The following GUCY1B1 variants were observed in gnomAD, a reference collection of about 807,000 sequenced individuals.
GUCY1B1 encodes the protein guanylate cyclase 1 soluble subunit beta 1, also known as guanylate cyclase soluble subunit beta-1.
GUCY1B1 carries 43 observed loss-of-function variants against 71.0 expected under a neutral mutation model. The observed-to-expected ratio is 0.61, with a 90% CI of 0.47 to 0.78. GUCY1B1 has a LOEUF of 0.78. Ranked by LOEUF, GUCY1B1 falls within the 30% of genes least tolerant of loss-of-function variation. The probability of loss-of-function intolerance (pLI) is 0.00; values close to 1 mark genes in which losing one functional copy is unlikely to be tolerated. For missense variants in GUCY1B1, 535 were observed against 754.1 expected, an observed-to-expected ratio of 0.71 and a Z score of 3.40; for synonymous variants, 266 against 259.7, an observed-to-expected ratio of 1.02 and a Z score of -0.23.
intron 9 of GUCY1B1, among the ~76,000 whole-genome samples, chr4:155,801,380 A>G (rs1052599018): frequency 6.6e-6 from 1 of 152,192 alleles, no homozygotes; most frequent in Admixed American, 6.5e-5. Flanking sequence ...AGGTGATGTC[A>G]TTAGAAACCA....
Position 155,805,143 on chromosome 4 carries a change from T to G in GUCY1B1, c.1750T>G (p.Leu584Val). The G allele has an allele frequency of 6.2e-7, 1 of 1,612,252 alleles. No individual in the cohort carries two copies. The highest frequency in any genetic ancestry group is 8.5e-7 in the Non-Finnish European group (1 of 1,178,718). The change falls in exon 13 of 14, where the codon TTG (leucine) becomes GTG (valine). Residue 584 changes from leucine (L) to valine (V), a missense_variant. By Grantham distance (32) the Leu-to-Val change is conservative. Coordinates refer to ENST00000264424, the MANE Select transcript of GUCY1B1 (RefSeq NM_000857.5). The part of the protein sequence containing the change: ...SPENSDPQFH[L>V]EHRGPVSMKG... ...AGAAAATTCAGATCCACAATTCCAC[T>G]TGGAGCACAGAGGCCCAGTGTCCAT... is the stretch of plus-strand genomic sequence containing the variant.
intron 3 of GUCY1B1, 116 bp downstream of exon 3, chr4:155,775,184 T>G (rs1222623112): frequency 1.6e-5 from 11 of 690,938 alleles, no homozygotes; most frequent in Non-Finnish European, 2.3e-5. Flanking sequence ...TTGTACAACC[T>G]GCATAGTTGT....
intron 2 of GUCY1B1, among the ~76,000 whole-genome samples, chr4:155,766,968 T>C (rs910484575): frequency 1.1e-4 from 16 of 152,306 alleles, no homozygotes; most frequent in African/African-American, 3.8e-4. Flanking sequence ...ATTATCTCAG[T>C]TAATCCTCAT....
chr4:155,766,018 A>T (rs10012242), intron 2 of GUCY1B1, among the ~76,000 whole-genome samples: 2 of 152,012 alleles, frequency 1.3e-5, no homozygotes, highest in South Asian at 4.1e-4. Context: ...TCTATCCTCC[A>T]TGACAATAGC....
Position 155,806,480 on chromosome 4 carries a change from G to C in GUCY1B1, c.*71G>C. On this transcript the variant is annotated 3_prime_UTR_variant, in exon 14 of 14. Coordinates refer to ENST00000264424, the MANE Select transcript of GUCY1B1 (RefSeq NM_000857.5). ...TTCTCCTAACACGTGCCAAGCCCAG[G>C]AGCAGTTCTTCCCTATGGATACAGA... 5 of 1,025,604 alleles carry C rather than the reference G, an allele frequency of 4.9e-6. No individual in the cohort carries two copies. In the East Asian group the frequency reaches 7.2e-5, roughly 15 times the overall value. 63.5% of individuals were successfully genotyped at this position (1,025,604 alleles called of 1,614,324 possible).
intron 2 of GUCY1B1, among the ~76,000 whole-genome samples, chr4:155,768,363 G>A (rs545421019): frequency 2.9e-4 from 44 of 151,442 alleles, no homozygotes; most frequent in Admixed American, 1.5e-3. Context: ...TGGACAAATT[G>A]TATACCTAGT....
intron 4 of GUCY1B1, chr4:155,785,354 T>G (rs34482983): frequency 0.037 from 41,555 of 1,126,192 alleles, 2,880 homozygotes; most frequent in African/African-American, 0.28. Context: ...TTTTTCAGTG[T>G]CTTTTTTACT....
At chr4:155,805,027 A>C (rs1740220288) in intron 12 of GUCY1B1, 76 bp from the exon 13 acceptor site, 1 of 1,312,136 alleles carries the variant, frequency 7.6e-7, no homozygotes, top group Non-Finnish European at 1.1e-6. Flanking sequence ...ATCTTGGTTT[A>C]TAACATGATA....
At chr4:155,805,493 G>C (rs1027119773) in intron 13 of GUCY1B1, among the ~76,000 whole-genome samples, 2 of 152,012 alleles carry the variant, frequency 1.3e-5, no homozygotes, top group Non-Finnish European at 2.9e-5. Flanking sequence ...TTTTCTTGCT[G>C]TTGTGGTTGT....
At position 155,806,598 on chromosome 4, in the gene GUCY1B1, TTTTAGGC is replaced by T. The variant is rs1458596529; in HGVS notation, c.*195_*201del. On this transcript the variant is annotated 3_prime_UTR_variant, in exon 14 of 14. Transcript: ENST00000264424. Reference sequence around the variant, plus strand: ...AACCTTAGCTCTGCTTTCTATTACTTTTTAGGCTTTAGTATATTATCTAAAGTTTGGC... The same window carrying T: ...AACCTTAGCTCTGCTTTCTATTACTTTTTAGTATATTATCTAAAGTTTGGC... 6.2e-6 allele frequency: 3 copies of T among 480,874 alleles called. No homozygotes were observed. The highest frequency in any genetic ancestry group is 5.9e-5 in the African/African-American group (3 of 50,512). The allele number at this position is 480,874 out of a possible 1,614,324, so 29.8% of individuals were successfully genotyped here. A position where few individuals can be genotyped will look rare whatever the true frequency, so the allele number is the denominator to read the frequency against.
intron 8 of GUCY1B1, among the ~76,000 whole-genome samples, chr4:155,797,993 G>A (rs1739682394): frequency 6.6e-6 from 1 of 151,978 alleles, no homozygotes; most frequent in Non-Finnish European, 1.5e-5. Context: ...TTCTTCTTCT[G>A]CCTCTTCACA....
intron 4 of GUCY1B1, 91 bp from the exon 5 acceptor site, chr4:155,789,623 C>G (rs1462197569): frequency 2.8e-6 from 2 of 726,054 alleles, no homozygotes; most frequent in African/African-American, 1.8e-5. Context: ...CACTAGACTC[C>G]GATTTGACTC....
intron 8 of GUCY1B1, among the ~76,000 whole-genome samples, chr4:155,796,725 G>A (rs1739582807): frequency 6.6e-6 from 1 of 152,108 alleles, no homozygotes; most frequent in African/African-American, 2.4e-5. Context: ...TATTTGCCAT[G>A]TCTTAATACA....
At chr4:155,783,587 G>A (rs1469432788) in intron 4 of GUCY1B1, among the ~76,000 whole-genome samples, 2 of 152,134 alleles carry the variant, frequency 1.3e-5, no homozygotes, top group African/African-American at 4.8e-5. Context: ...TAGCGCCTCT[G>A]TTCAGCCTGC....
chr4:155,778,912 C>G (rs997535809), intron 4 of GUCY1B1, among the ~76,000 whole-genome samples: 40 of 151,908 alleles, frequency 2.6e-4, no homozygotes, highest in Admixed American at 2.6e-3. Context: ...TTATAACTCT[C>G]TCTCTCAATG....
chr4:155,795,498 T>C (rs1739484205), intron 7 of GUCY1B1, 41 bp downstream of exon 7: 1 of 984,742 alleles, frequency 1.0e-6, no homozygotes, highest in East Asian at 2.4e-5. Context: ...GAAAGGTATG[T>C]CACAAATTAG....
Position 155,789,806 on chromosome 4 carries a change from A to T in GUCY1B1, c.390A>T (p.Gly130=). 6.2e-7 allele frequency: 1 copy of T among 1,603,006 alleles called. No homozygotes were observed. The highest frequency in any genetic ancestry group is 2.2e-5 in the East Asian group (1 of 44,808). Residue 130 remains glycine, a synonymous_variant, in exon 5 of 14, where the codon GGA becomes GGT. Coordinates refer to ENST00000264424, the MANE Select transcript of GUCY1B1 (RefSeq NM_000857.5). ...GCACTGATGCAGAAAAGGGCAAAGGACTCATTTTGCACTACTACTCAGAGA... is the reference window on the plus strand; with the variant it reads ...GCACTGATGCAGAAAAGGGCAAAGGTCTCATTTTGCACTACTACTCAGAGA... ...FRCTDAEKGK[G]LILHYYSERE...
intron 2 of GUCY1B1, among the ~76,000 whole-genome samples, chr4:155,774,590 T>G (rs572960198): frequency 4.0e-4 from 61 of 152,186 alleles, no homozygotes; most frequent in Non-Finnish European, 6.9e-4. Flanking sequence ...TTACTAAAGA[T>G]TGTACCCCTA....
chr4:155,768,558 A>G (rs1438787101), intron 2 of GUCY1B1, among the ~76,000 whole-genome samples: 3 of 151,378 alleles, frequency 2.0e-5, no homozygotes, highest in African/African-American at 7.3e-5. Flanking sequence ...TATTAAGCAC[A>G]TGTGCACCTT....
Sources: gnomAD v4.1 joint callset for allele counts (sites outside exome capture counted in the v4.1 genomes callset) on GRCh38, gnomAD v4.1.1 for gene constraint, MANE v1.5 for transcripts, NCBI Gene and HGNC (gene_info 2026-07-23, HGNC 2026-07-21) for gene names.